RUNX1: variants seen among roughly 807,000 people sequenced by gnomAD.
RUNX1 encodes the protein runt-related transcription factor 1.
RUNX1 carries 19 observed loss-of-function variants against 42.8 expected under a neutral mutation model. The ratio of observed to expected loss-of-function variants is 0.44; its 90% CI spans 0.31 to 0.65. The LOEUF (loss-of-function observed/expected upper bound fraction) is 0.65, where lower values mean the gene tolerates loss of function less well. Among genes scored for constraint, RUNX1 ranks in the 30% least tolerant of loss-of-function variants. The probability of loss-of-function intolerance (pLI) is 0.07; values close to 1 mark genes in which losing one functional copy is unlikely to be tolerated. For missense variants in RUNX1, 528 were observed against 672.0 expected, an observed-to-expected ratio of 0.79 and a Z score of 2.37; for synonymous variants, 271 against 289.4, an observed-to-expected ratio of 0.94 and a Z score of 0.64.
intron 7 of RUNX1, among the ~76,000 whole-genome samples, chr21:34,827,734 C>G (rs6517257): frequency 1 from 152,318 of 152,320 alleles, 76,158 homozygotes; most frequent in Non-Finnish European, 1. Context: ...CCTAGGTATA[C>G]CTAGGCTGCC....
intron 2 of RUNX1, among the ~76,000 whole-genome samples, chr21:35,003,444 A>G (rs946548645): frequency 4.6e-5 from 7 of 152,222 alleles, no homozygotes; most frequent in African/African-American, 7.2e-5. Flanking sequence ...ATGCCAAACA[A>G]ATGTACAATT....
intron 2 of RUNX1, among the ~76,000 whole-genome samples, chr21:34,965,224 A>ACAGCC: frequency 6.6e-6 from 1 of 152,018 alleles, no homozygotes; most frequent in East Asian, 1.9e-4. Flanking sequence ...CCTCACACAC[A>ACAGCC]TGCCAACACA....
intron 2 of RUNX1, among the ~76,000 whole-genome samples, chr21:35,031,631 A>C (rs1569157952): frequency 6.6e-6 from 1 of 152,232 alleles, no homozygotes; most frequent in African/African-American, 2.4e-5. Context: ...GTCCATCGAC[A>C]GATGAATGAA....
intron 2 of RUNX1, among the ~76,000 whole-genome samples, chr21:34,964,066 T>G (rs1176932153): frequency 6.6e-6 from 1 of 152,172 alleles, no homozygotes. Context: ...TATCAGCCAC[T>G]GCGATAAGGG....
Position 34,901,518 on chromosome 21 carries a change from A to AAATAATAATAATAATAAT in RUNX1, c.59-8573_59-8556dup, listed in dbSNP as rs536376739. 3.1e-4 allele frequency among the ~76,000 whole-genome samples: 47 copies of AAATAATAATAATAATAAT among 151,862 alleles called. No homozygotes were observed. In the East Asian group the frequency reaches 4.8e-3, roughly 16 times the overall value. On this transcript the variant is annotated intron_variant, in intron 2 of 8. Coordinates refer to ENST00000675419, the MANE Select transcript of RUNX1 (RefSeq NM_001754.5). The surrounding 1 kb of genome is among the most constrained non-coding windows in gnomAD (Gnocchi z 4.3). Reference sequence around the variant, plus strand: ...ACAGAGCCAGATCCGTCTCAAAAATAAATAATAATAATAATAATAACAATA... The same window carrying AAATAATAATAATAATAAT: ...ACAGAGCCAGATCCGTCTCAAAAATAAATAATAATAATAATAATAATAATAATAATAATAATAACAATA...
chr21:34,795,091 A>T (rs2056506716), intron 8 of RUNX1, among the ~76,000 whole-genome samples: 1 of 152,222 alleles, frequency 6.6e-6, no homozygotes, highest in African/African-American at 2.4e-5. Flanking sequence ...TAGAAACATG[A>T]ATTCATTGTT....
At chr21:34,892,777 T>A (rs2058094442) in intron 3 of RUNX1, 148 bp downstream of exon 3, 2 of 609,806 alleles carry the variant, frequency 3.3e-6, no homozygotes, top group Non-Finnish European at 3.0e-6. Flanking sequence ...GAACTGCTTT[T>A]AAGTATATTG....
intron 6 of RUNX1, among the ~76,000 whole-genome samples, chr21:34,857,390 C>T (rs1485642200): frequency 6.6e-5 from 10 of 152,182 alleles, no homozygotes; most frequent in African/African-American, 2.4e-4. Flanking sequence ...AAGTCAGAGT[C>T]GCCACCATTT....
chr21:34,823,158 G>A (rs1228433966), intron 7 of RUNX1, among the ~76,000 whole-genome samples: 1 of 152,224 alleles, frequency 6.6e-6, no homozygotes, highest in Non-Finnish European at 1.5e-5. Flanking sequence ...GTGAGCTCCT[G>A]ATACTCAAGT....
chr21:35,044,726 C>T (rs760010469), intron 2 of RUNX1, among the ~76,000 whole-genome samples: 12 of 152,184 alleles, frequency 7.9e-5, no homozygotes, highest in South Asian at 2.1e-4. Context: ...GTGTGCACAG[C>T]GGCTGTGCAG....
intron 2 of RUNX1, among the ~76,000 whole-genome samples, chr21:35,009,860 A>C (rs1354184690): frequency 6.6e-6 from 1 of 152,216 alleles, no homozygotes; most frequent in Non-Finnish European, 1.5e-5. Context: ...TGGGCCTAAT[A>C]CTTCAACATT....
chr21:34,961,203 G>A (rs1211514142), intron 2 of RUNX1, among the ~76,000 whole-genome samples: 3 of 151,990 alleles, frequency 2.0e-5, no homozygotes, highest in South Asian at 2.1e-4. Context: ...GTGAAACCCC[G>A]TCTCTACTAA....
chr21:34,814,704 C>G (rs985579362), intron 7 of RUNX1, among the ~76,000 whole-genome samples: 1 of 152,166 alleles, frequency 6.6e-6, no homozygotes, highest in Non-Finnish European at 1.5e-5. Context: ...TTACGAAAGA[C>G]TAAAAGCACC....
Position 34,888,512 on chromosome 21 carries a change from A to C in RUNX1, c.98-1416T>G, listed in dbSNP as rs958573263. 1.3e-5 allele frequency: 14 copies of C among 1,066,174 alleles called. No homozygotes were observed. The Admixed American group carries it at 5.3e-4, about 41-fold the overall frequency. The allele number at this position is 1,066,174 out of a possible 1,614,324, so 66.0% of individuals were successfully genotyped here. On this transcript the variant is annotated intron_variant, in intron 3 of 8. Transcript: ENST00000675419. Reference sequence around the variant, plus strand: ...AGGAAGAAAGGGGAAAAACAAAAAAAAACAACAAAAAAAGGAAGGTCCAAC... The same window carrying C: ...AGGAAGAAAGGGGAAAAACAAAAAACAACAACAAAAAAAGGAAGGTCCAAC...
intron 2 of RUNX1, among the ~76,000 whole-genome samples, chr21:34,956,602 A>G (rs2058645960): frequency 6.6e-6 from 1 of 152,088 alleles, no homozygotes. Flanking sequence ...GGCCTGATGA[A>G]TGCTGTTTTG....
At chr21:34,990,675 T>A (rs2058930294) in intron 2 of RUNX1, among the ~76,000 whole-genome samples, 1 of 151,658 alleles carries the variant, frequency 6.6e-6, no homozygotes, top group Non-Finnish European at 1.5e-5. Flanking sequence ...GGAGTTTCAC[T>A]CTGCCTCCTG....
chr21:35,028,936 G>A (rs1036298263), intron 2 of RUNX1, among the ~76,000 whole-genome samples: 1 of 152,312 alleles, frequency 6.6e-6, no homozygotes, highest in Non-Finnish European at 1.5e-5. Context: ...GTGGGAAAAA[G>A]GGAGTGTAGA....
At chr21:34,858,923 G>A (rs975629479) in intron 6 of RUNX1, among the ~76,000 whole-genome samples, 1 of 152,020 alleles carries the variant, frequency 6.6e-6, no homozygotes. Flanking sequence ...ATATTTACTG[G>A]TTTTCCCCAG....
intron 2 of RUNX1, among the ~76,000 whole-genome samples, chr21:34,963,652 T>G (rs561068482): frequency 4.3e-4 from 66 of 152,314 alleles, no homozygotes; most frequent in Non-Finnish European, 2.4e-4. Flanking sequence ...CTGTAAGTTG[T>G]TCAAGCTATA....
Sources: gnomAD v4.1 joint callset for allele counts (sites outside exome capture counted in the v4.1 genomes callset) on GRCh38, gnomAD v4.1.1 for gene constraint, Gnocchi (gnomAD v3.1) non-coding constraint, MANE v1.5 for transcripts, NCBI Gene and HGNC (gene_info 2026-07-23, HGNC 2026-07-21) for gene names.